RORA: variants seen among roughly 807,000 people sequenced by gnomAD.
RORA encodes the protein RAR related orphan receptor A.
A neutral mutation model predicts 69.5 loss-of-function variants in RORA; 7 were observed. That is an observed-to-expected ratio of 0.10 (90% CI 0.06 to 0.19). The LOEUF (loss-of-function observed/expected upper bound fraction) is 0.19. Ranked by LOEUF, RORA falls within the 10% of genes least tolerant of loss-of-function variation. The pLI, the probability that RORA is intolerant of heterozygous loss-of-function variation, is 1.00. For missense variants in RORA, 457 were observed against 663.0 expected (o/e 0.69, Z 3.41); for synonymous variants, 261 against 240.8 (o/e 1.08, Z -0.78).
chr15:60,776,586 C>G (rs1382681414), intron 1 of RORA, among the ~76,000 whole-genome samples: 7 of 152,214 alleles, frequency 4.6e-5, no homozygotes. Context: ...GAGATAGGCA[C>G]AGCAGAGCGT....
At chr15:61,104,995 G>T (rs782914) in intron 1 of RORA, among the ~76,000 whole-genome samples, 129 of 143,410 alleles carry the variant, frequency 9.0e-4, no homozygotes, top group African/African-American at 2.1e-3. Context: ...ATCATGAGGC[G>T]CCCCCCCCAC....
chr15:60,990,918 T>C (rs1336198860), intron 1 of RORA, among the ~76,000 whole-genome samples: 2 of 152,218 alleles, frequency 1.3e-5, no homozygotes, highest in African/African-American at 4.8e-5. Context: ...AGTGAGTTAC[T>C]GACAACTAAG....
intron 1 of RORA, among the ~76,000 whole-genome samples, chr15:60,961,734 C>T (rs1566926170): frequency 6.6e-6 from 1 of 152,204 alleles, no homozygotes; most frequent in Non-Finnish European, 1.5e-5. Flanking sequence ...TCCAGGAGCA[C>T]TGAGAACCGC....
chr15:60,965,784 T>C (rs1218664628), intron 1 of RORA, among the ~76,000 whole-genome samples: 1 of 152,180 alleles, frequency 6.6e-6, no homozygotes, highest in Non-Finnish European at 1.5e-5. Flanking sequence ...ACACTAATTA[T>C]GCCAACCTCT....
intron 2 of RORA, among the ~76,000 whole-genome samples, chr15:60,567,642 C>T (rs890781046): frequency 4.6e-5 from 7 of 152,086 alleles, no homozygotes; most frequent in African/African-American, 1.7e-4. Flanking sequence ...AACTCTTGGC[C>T]TTAAGTGATC....
chr15:60,869,002 T>C (rs898619308), intron 1 of RORA, among the ~76,000 whole-genome samples: 2 of 152,168 alleles, frequency 1.3e-5, no homozygotes, highest in African/African-American at 4.8e-5. Context: ...ACATGATGGA[T>C]GTTCCAGTTT....
At chr15:60,722,231 G>A (rs1175258065) in intron 1 of RORA, among the ~76,000 whole-genome samples, 5 of 152,040 alleles carry the variant, frequency 3.3e-5, no homozygotes, top group Non-Finnish European at 7.4e-5. Flanking sequence ...TCAACATATG[G>A]TACATCATTC....
chr15:60,544,328 A>C (rs927242115), intron 2 of RORA, among the ~76,000 whole-genome samples: 1 of 152,210 alleles, frequency 6.6e-6, no homozygotes, highest in Non-Finnish European at 1.5e-5. Flanking sequence ...TAGAAAGTGG[A>C]AGAGAATTCT....
At chr15:61,121,412 C>T (rs181385746) in intron 1 of RORA, among the ~76,000 whole-genome samples, 239 of 152,266 alleles carry the variant, frequency 1.6e-3, no homozygotes, top group African/African-American at 5.5e-3. Flanking sequence ...CTAACTCAAG[C>T]TCTAACAACT....
chr15:60,875,968 G>C (rs2073609380), intron 1 of RORA, among the ~76,000 whole-genome samples: 1 of 152,144 alleles, frequency 6.6e-6, no homozygotes, highest in African/African-American at 2.4e-5. Context: ...ACTTTTGCTT[G>C]TTTCACTTAA....
chr15:60,821,930 G>A (rs536768022), intron 1 of RORA, among the ~76,000 whole-genome samples: 3 of 152,302 alleles, frequency 2.0e-5, no homozygotes, highest in Non-Finnish European at 2.9e-5. Flanking sequence ...TCTGACTCCT[G>A]AGCCTCATAC....
At chr15:60,922,703 A>T (rs1199713356) in intron 1 of RORA, among the ~76,000 whole-genome samples, 1 of 152,236 alleles carries the variant, frequency 6.6e-6, no homozygotes, top group African/African-American at 2.4e-5. Flanking sequence ...GACTTTGGCC[A>T]CCAATCACAT....
chr15:60,593,069 G>T (rs1194884417), intron 2 of RORA: 1 of 392,892 alleles, frequency 2.5e-6, no homozygotes, highest in East Asian at 8.8e-5. Context: ...CGTGGAGAAC[G>T]AAGCCACTGG....
At chr15:61,105,146 CA>C (rs2078934693) in intron 1 of RORA, among the ~76,000 whole-genome samples, 1 of 152,130 alleles carries the variant, frequency 6.6e-6, no homozygotes, top group African/African-American at 2.4e-5. Flanking sequence ...GATCTCAACT[CA>C]AAAGTAACTT....
chr15:60,578,342 G>C (rs2068089872), intron 2 of RORA, among the ~76,000 whole-genome samples: 2 of 152,192 alleles, frequency 1.3e-5, no homozygotes, highest in African/African-American at 4.8e-5. Flanking sequence ...CATACCATCA[G>C]AAAAGTTTTT....
chr15:60,721,545 A>C (rs982242043), intron 1 of RORA, among the ~76,000 whole-genome samples: 1 of 152,264 alleles, frequency 6.6e-6, no homozygotes, highest in African/African-American at 2.4e-5. Context: ...AATTCACAGT[A>C]TGAAGTGCCG....
intron 1 of RORA, among the ~76,000 whole-genome samples, chr15:60,748,105 G>A (rs539768748): frequency 5.1e-4 from 77 of 152,268 alleles, no homozygotes; most frequent in African/African-American, 1.8e-3. Flanking sequence ...TCAACTTTGT[G>A]TTTGCTGCAC....
chr15:60,743,660 T>A (rs964871841), intron 1 of RORA, among the ~76,000 whole-genome samples: 1 of 152,152 alleles, frequency 6.6e-6, no homozygotes, highest in Non-Finnish European at 1.5e-5. Flanking sequence ...GCATGGTGAG[T>A]GGATCTGCCA....
chr15:61,200,796 T>A (rs1486544113), intron 1 of RORA, among the ~76,000 whole-genome samples: 1 of 152,160 alleles, frequency 6.6e-6, no homozygotes, highest in Non-Finnish European at 1.5e-5. Flanking sequence ...AATCCCAAGG[T>A]AGATTCACTC....
Sources: allele counts gnomAD v4.1 joint callset (sites outside exome capture counted in the v4.1 genomes callset), GRCh38; gene constraint gnomAD v4.1.1; transcripts MANE v1.5; gene names NCBI Gene and HGNC (gene_info 2026-07-23, HGNC 2026-07-21).